Variants in SCLT1 observed in about 807,000 individuals in gnomAD.
SCLT1 encodes sodium channel-associated protein 1.
SCLT1 carries 78 observed loss-of-function variants against 112.8 expected under a neutral mutation model. That is an observed-to-expected ratio of 0.69 (90% CI 0.58 to 0.83). SCLT1 has a LOEUF of 0.83. Ranked by LOEUF, SCLT1 falls within the 40% of genes least tolerant of loss-of-function variation. The probability of loss-of-function intolerance (pLI) is 0.00; values close to 1 mark genes in which losing one functional copy is unlikely to be tolerated. For missense variants in SCLT1, 747 were observed against 770.4 expected (o/e 0.97, Z 0.36); for synonymous variants, 257 against 254.7 (o/e 1.01, Z -0.09).
chr4:128,934,184 G>C (rs11098993), intron 18 of SCLT1, among the ~76,000 whole-genome samples: 110,032 of 151,552 alleles, frequency 0.73, 40,234 homozygotes, highest in African/African-American at 0.81. Context: ...ATTCTGTCCC[G>C]CTCTCTCCTC....
In SCLT1 at chr4:128,903,672, GA is replaced by G. The variant is rs1734489028; in HGVS notation, c.1830-12536del. 2.0e-5 allele frequency among the ~76,000 whole-genome samples: 3 copies of G among 152,212 alleles called. No individual in the cohort carries two copies. In the South Asian group the frequency reaches 6.2e-4, roughly 32 times the overall value. On this transcript the variant is annotated intron_variant, in intron 18 of 20. Transcript: ENST00000281142. ...TCAACCTTACAGTTTTCTTCCAAATGAAATTTTAGAAGGTATTAAAGGGTGA... is the reference window on the plus strand; with the variant it reads ...TCAACCTTACAGTTTTCTTCCAAATGAATTTTAGAAGGTATTAAAGGGTGA...
intron 1 of SCLT1, among the ~76,000 whole-genome samples, chr4:129,087,745 T>C (rs1334352957): frequency 1.6e-5 from 2 of 126,610 alleles, no homozygotes; most frequent in African/African-American, 5.8e-5. Flanking sequence ...AGTGAGACCC[T>C]TGCGCAAGTT....
At chr4:128,876,353 G>A (rs1214344415) in intron 4 of SCLT1, among the ~76,000 whole-genome samples, 1 of 152,152 alleles carries the variant, frequency 6.6e-6, no homozygotes, top group Non-Finnish European at 1.5e-5. Context: ...AGGTCTTAAA[G>A]TTGAATAACC....
Position 128,945,990 on chromosome 4 carries a change from C to A in SCLT1, c.1439+17G>T. 6 of 1,564,488 alleles carry A rather than the reference C, an allele frequency of 3.8e-6. No individual in the cohort carries two copies. The South Asian group carries it at 4.7e-5, about 12-fold the overall frequency. On this transcript the variant is annotated intron_variant, in intron 16 of 20. Coordinates refer to ENST00000281142, the MANE Select transcript of SCLT1 (RefSeq NM_144643.4). ...TTCTGAAGATGTTATCATAGAAAAT[C>A]CAAAAGAAAAACTTACTCAGTTTCA...
intron 18 of SCLT1, among the ~76,000 whole-genome samples, chr4:128,893,611 C>T (rs753260587): frequency 3.3e-5 from 5 of 152,128 alleles, no homozygotes; most frequent in Non-Finnish European, 7.3e-5. Flanking sequence ...GGTGCCATCT[C>T]GGCTCACTGC....
chr4:128,939,443 G>C (rs1288774431), intron 17 of SCLT1, among the ~76,000 whole-genome samples: 14 of 152,118 alleles, frequency 9.2e-5, no homozygotes, highest in Non-Finnish European at 1.3e-4. Context: ...ATGCTGACAG[G>C]CTAAGGGCCA....
At chr4:129,035,616 CA>C (rs1747113094) in intron 5 of SCLT1, among the ~76,000 whole-genome samples, 1 of 151,922 alleles carries the variant, frequency 6.6e-6, no homozygotes, top group South Asian at 2.1e-4. Flanking sequence ...AAAATGACAA[CA>C]ATAAAATTTA....
At chr4:129,022,184 G>T (rs1431425700) in intron 5 of SCLT1, among the ~76,000 whole-genome samples, 1 of 152,108 alleles carries the variant, frequency 6.6e-6, no homozygotes, top group Non-Finnish European at 1.5e-5. Flanking sequence ...ATGAAGATGA[G>T]GAAAAATCAG....
intron 18 of SCLT1, among the ~76,000 whole-genome samples, chr4:128,921,995 C>A (rs997847548): frequency 1.3e-5 from 2 of 152,034 alleles, no homozygotes; most frequent in African/African-American, 4.8e-5. Flanking sequence ...AGGACAAGAA[C>A]AGACACTTTC....
At chr4:128,931,556 G>A (rs1306180216) in intron 18 of SCLT1, among the ~76,000 whole-genome samples, 3 of 152,176 alleles carry the variant, frequency 2.0e-5, no homozygotes, top group East Asian at 1.9e-4. Context: ...TCCACCTCCC[G>A]GGTTCACGCC....
At position 129,093,039 on chromosome 4, in the gene SCLT1, A is replaced by T; in HGVS notation, c.34+31T>A. On this transcript the variant is annotated intron_variant, in intron 1 of 20. Transcript: ENST00000281142. The stretch of plus-strand genomic sequence containing the variant: ...CAACGACGACGATATTAAACATTGT[A>T]TATGAAGTCTCAAAAAAACATGGAG... 2.0e-6 allele frequency: 3 copies of T among 1,494,716 alleles called. 1 individual carries two copies. The highest frequency in any genetic ancestry group is 3.4e-4 in the Middle Eastern group (2 of 5,840). The allele number at this position is 1,494,716 out of a possible 1,614,324, so 92.6% of individuals were successfully genotyped here.
At chr4:128,975,597 G>T (rs192435595) in intron 9 of SCLT1, among the ~76,000 whole-genome samples, 1 of 152,046 alleles carries the variant, frequency 6.6e-6, no homozygotes, top group Non-Finnish European at 1.5e-5. Flanking sequence ...AGTGAAAAAT[G>T]GTAAGATTCT....
chr4:129,088,003 C>T (rs1420663567), intron 1 of SCLT1, among the ~76,000 whole-genome samples: 5 of 151,632 alleles, frequency 3.3e-5, no homozygotes, highest in Non-Finnish European at 7.4e-5. Flanking sequence ...AGAAGGATCG[C>T]TTGAGCCCAG....
intron 5 of SCLT1, among the ~76,000 whole-genome samples, chr4:129,024,317 A>C (rs1400179323): frequency 6.6e-6 from 1 of 152,132 alleles, no homozygotes; most frequent in Non-Finnish European, 1.5e-5. Context: ...GCAGACTGAC[A>C]CCTCACATGG....
rs540937522 is a variant in SCLT1, at chr4:128,982,240, A to G, written c.686+9927T>C. ...GAGATAACCAGGAGAACCCTGAGCT[A>G]GAAAAATTTAATGAGATCTCATCCT... On this transcript the variant is annotated intron_variant, in intron 9 of 20. Transcript: ENST00000281142. 2.6e-5 allele frequency among the ~76,000 whole-genome samples: 4 copies of G among 152,332 alleles called. No homozygotes were observed. In the East Asian group the frequency reaches 5.8e-4, roughly 22 times the overall value.
intron 12 of SCLT1, 109 bp downstream of exon 12, chr4:128,959,490 AT>A (rs917284272): frequency 4.0e-6 from 3 of 746,946 alleles, no homozygotes; most frequent in Non-Finnish European, 6.7e-6. Flanking sequence ...AAGAGTAGCA[AT>A]TTCATTTTCA....
Position 128,957,122 on chromosome 4 carries a change from A to G in SCLT1, c.1050T>C (p.Ala350=). 1 of 1,538,176 alleles carries G rather than the reference A, an allele frequency of 6.5e-7. No individual in the cohort carries two copies. Residue 350 remains alanine, a splice_region_variant and synonymous_variant, in exon 13 of 21, where the codon GCT becomes GCC. Transcript: ENST00000281142. The part of the protein sequence containing the change: ...LEEANLQKSQ[A]LLEEKQKEED... ...CTTCTTTTTGCTTCTCCTCAAGTAG[A>G]GCCTTCAGAAAATAATCATTTCATG...
chr4:129,058,391 T>G (rs765917178), intron 2 of SCLT1, among the ~76,000 whole-genome samples: 5 of 152,150 alleles, frequency 3.3e-5, no homozygotes, highest in Non-Finnish European at 5.9e-5. Flanking sequence ...CTGTATCCCA[T>G]TGTTTTTGGT....
intron 10 of SCLT1, among the ~76,000 whole-genome samples, chr4:128,968,531 CTCTG>C (rs1349886807): frequency 1.3e-5 from 2 of 152,128 alleles, no homozygotes; most frequent in Admixed American, 6.5e-5. Flanking sequence ...GACTTGAAGT[CTCTG>C]TCTGCTAAAT....
Sources: gnomAD v4.1 joint callset for allele counts (sites outside exome capture counted in the v4.1 genomes callset) on GRCh38, gnomAD v4.1.1 for gene constraint, MANE v1.5 for transcripts, NCBI Gene and HGNC (gene_info 2026-07-23, HGNC 2026-07-21) for gene names.